ATF7: variants seen among roughly 807,000 people sequenced by gnomAD.
ATF7 encodes cyclic AMP-dependent transcription factor ATF-7.
Under a neutral mutation model 50.4 loss-of-function variants are expected in ATF7, and 10 were observed. The ratio of observed to expected loss-of-function variants is 0.20; its 90% CI spans 0.12 to 0.34. The LOEUF (loss-of-function observed/expected upper bound fraction) is 0.34. Among genes scored for constraint, ATF7 ranks in the 10% least tolerant of loss-of-function variants. The pLI, the probability that ATF7 is intolerant of heterozygous loss-of-function variation, is 1.00. For synonymous variants in ATF7, 201 were observed against 226.4 expected (o/e 0.89, Z 1.01); for missense variants, 465 against 613.9 (o/e 0.76, Z 2.56).
intron 1 of ATF7, 45 bp from the exon 2 acceptor site, chr12:53,601,066 G>T: frequency 3.8e-6 from 5 of 1,303,086 alleles, no homozygotes; most frequent in South Asian, 2.7e-5. Context: ...AAATATGCTG[G>T]AGCAAAAAAA....
intron 2 of ATF7, among the ~76,000 whole-genome samples, chr12:53,581,820 G>T (rs1199864389): frequency 6.6e-6 from 1 of 151,570 alleles, no homozygotes; most frequent in African/African-American, 2.4e-5. Flanking sequence ...CAGAAGAAAA[G>T]AAATAATAAA....
chr12:53,550,239 G>A (rs1240989514), intron 3 of ATF7, among the ~76,000 whole-genome samples: 3 of 151,290 alleles, frequency 2.0e-5, no homozygotes, highest in Non-Finnish European at 4.4e-5. Flanking sequence ...CAGGAGAATC[G>A]CTTGAGCCTG....
At chr12:53,616,268 G>A (rs2137913082) in intron 1 of ATF7, among the ~76,000 whole-genome samples, 1 of 152,212 alleles carries the variant, frequency 6.6e-6, no homozygotes, top group Middle Eastern at 3.4e-3. Context: ...TGTTACCCAG[G>A]CTAGAGTGCA....
intron 1 of ATF7, among the ~76,000 whole-genome samples, chr12:53,605,389 C>CAA (rs11433998): frequency 0.057 from 5,793 of 101,348 alleles, 251 homozygotes; most frequent in African/African-American, 0.065. Context: ...AATTCTGTCT[C>CAA]AAAAAAAAAA....
intron 6 of ATF7, among the ~76,000 whole-genome samples, chr12:53,533,842 A>G (rs1939050287): frequency 6.6e-6 from 1 of 152,244 alleles, no homozygotes; most frequent in Non-Finnish European, 1.5e-5. Context: ...ACTGGGACTG[A>G]GGAGACTTAA....
intron 3 of ATF7, among the ~76,000 whole-genome samples, chr12:53,549,268 C>T (rs1940156900): frequency 7.6e-6 from 1 of 132,326 alleles, no homozygotes; most frequent in Admixed American, 9.0e-5. Flanking sequence ...GCCTGGGCGA[C>T]AGAACGAGAC....
chr12:53,623,368 C>T (rs1944480010), intron 1 of ATF7, among the ~76,000 whole-genome samples: 1 of 152,146 alleles, frequency 6.6e-6, no homozygotes, highest in Admixed American at 6.6e-5. Context: ...TTTTCTTTGA[C>T]ATATTTTTAA....
chr12:53,518,815 C>A (rs7300943), intron 11 of ATF7, among the ~76,000 whole-genome samples: 1 of 151,574 alleles, frequency 6.6e-6, no homozygotes, highest in East Asian at 1.9e-4. Context: ...AGAGGCCAAG[C>A]TGGGCGGATC....
chr12:53,578,905 C>T (rs1366500267), intron 2 of ATF7, among the ~76,000 whole-genome samples: 1 of 151,976 alleles, frequency 6.6e-6, no homozygotes, highest in African/African-American at 2.4e-5. Flanking sequence ...TTGAGATCTG[C>T]AACCAAGCAT....
chr12:53,545,064 G>C (rs947851468), intron 3 of ATF7, among the ~76,000 whole-genome samples: 3 of 152,116 alleles, frequency 2.0e-5, no homozygotes, highest in African/African-American at 4.8e-5. Flanking sequence ...GGAACAGGAG[G>C]GGGCAGCTAA....
At chr12:53,557,265 G>A (rs111441557) in intron 2 of ATF7, among the ~76,000 whole-genome samples, 16 of 152,014 alleles carry the variant, frequency 1.1e-4, no homozygotes, top group African/African-American at 3.6e-4. Flanking sequence ...GCAGTGGCAC[G>A]ATCTTGGCTC....
Position 53,587,843 on chromosome 12 carries a change from A to ATATAT in ATF7, c.48+13109_48+13110insATATA. On this transcript the variant is annotated intron_variant, in intron 2 of 11. Transcript: ENST00000420353. The stretch of plus-strand genomic sequence containing the variant: ...TACATATATATATATATATATATAT[A>ATATAT]TTTTTTTTTTTTTTTCTTTTTGACA... 6.3e-4 allele frequency among the ~76,000 whole-genome samples: 39 copies of ATATAT among 61,558 alleles called. 1 individual carries two copies. Among genetic ancestry groups the ATATAT allele is most frequent in the African/African-American group, 1.6e-3 (31 of 19,500 alleles). 40.4% of individuals were successfully genotyped at this position (61,558 alleles called of 152,430 possible).
chr12:53,552,666 A>G (rs1229344504), intron 2 of ATF7, 29 bp from the exon 3 acceptor site: 2 of 1,528,080 alleles, frequency 1.3e-6, no homozygotes, highest in South Asian at 2.2e-5. Flanking sequence ...GGAGATATGA[A>G]AAAACAAAAA....
rs1940439989 is a variant in ATF7 at position 53,552,534 on chromosome 12, C to A, written c.145+7G>T. 6.2e-7 allele frequency: 1 copy of A among 1,611,898 alleles called. No homozygotes were observed. Among genetic ancestry groups the A allele is most frequent in the Non-Finnish European group, 8.5e-7 (1 of 1,178,144 alleles). On this transcript the variant is annotated splice_region_variant and intron_variant, in intron 3 of 11. Transcript: ENST00000420353. Reference sequence around the variant, plus strand: ...TCAAGGCACGTGGCTTTTGGGGCAGCAAATACCTGCAATGATGACTGAGTC... The same window carrying A: ...TCAAGGCACGTGGCTTTTGGGGCAGAAAATACCTGCAATGATGACTGAGTC...
intron 2 of ATF7, chr12:53,576,170 C>A (rs563853499): frequency 4.6e-5 from 7 of 152,330 alleles, no homozygotes; most frequent in Admixed American, 4.6e-4. Flanking sequence ...ATCACGAAGG[C>A]AGAAGGGATC....
At chr12:53,582,052 A>G (rs1184901433) in intron 2 of ATF7, among the ~76,000 whole-genome samples, 1 of 151,962 alleles carries the variant, frequency 6.6e-6, no homozygotes, top group Non-Finnish European at 1.5e-5. Context: ...ATAGTGAGCT[A>G]AGATCACATC....
intron 4 of ATF7, among the ~76,000 whole-genome samples, chr12:53,541,531 C>T: frequency 6.6e-6 from 1 of 152,086 alleles, no homozygotes; most frequent in East Asian, 1.9e-4. Flanking sequence ...TCAAGTATTT[C>T]CTCTCGTCTT....
intron 1 of ATF7, among the ~76,000 whole-genome samples, chr12:53,619,257 A>G (rs1181880712): frequency 6.6e-6 from 1 of 152,038 alleles, no homozygotes. Context: ...TGGGAGGCCC[A>G]GGTGGGCGCA....
At position 53,615,718 on chromosome 12, in the gene ATF7, A is replaced by C. The variant is rs371929943; in HGVS notation, c.-22+10561T>G. ...AAAATCCTTTCTCTGCAAAATAATT[A>C]AAGATTGGCTGGATCGGAAGTGAGG... is the stretch of plus-strand genomic sequence containing the variant. On this transcript the variant is annotated intron_variant, in intron 1 of 11. Transcript: ENST00000420353. Among the ~76,000 whole-genome samples, 34 of 152,094 alleles carry C rather than the reference A, an allele frequency of 2.2e-4. 1 individual carries two copies. Among genetic ancestry groups the C allele is most frequent in the African/African-American group, 8.0e-4 (33 of 41,474 alleles).
Sources: allele counts gnomAD v4.1 joint callset (sites outside exome capture counted in the v4.1 genomes callset), GRCh38; gene constraint gnomAD v4.1.1; transcripts MANE v1.5; gene names NCBI Gene and HGNC (gene_info 2026-07-23, HGNC 2026-07-21).